SFXN1: variants seen among roughly 807,000 people sequenced by gnomAD.
The protein encoded by SFXN1 is sideroflexin-1.
A neutral mutation model predicts 39.5 loss-of-function variants in SFXN1; 32 were observed. The observed-to-expected ratio is 0.81, with a 90% CI of 0.61 to 1.09. The LOEUF (loss-of-function observed/expected upper bound fraction) is 1.09, where lower values mean the gene tolerates loss of function less well. Among genes scored for constraint, SFXN1 ranks in the 50% least tolerant of loss-of-function variants. The pLI is 0.00. For synonymous variants in SFXN1, 136 were observed against 146.5 expected, an observed-to-expected ratio of 0.93 and a Z score of 0.52; for missense variants, 402 against 407.1, an observed-to-expected ratio of 0.99 and a Z score of 0.11.
At chr5:175,479,316 T>A (rs1759144348) in intron 1 of SFXN1, among the ~76,000 whole-genome samples, 1 of 152,132 alleles carries the variant, frequency 6.6e-6, no homozygotes, top group African/African-American at 2.4e-5. Context: ...TTTACACTCT[T>A]CCGGCCCTGC....
intron 1 of SFXN1, among the ~76,000 whole-genome samples, chr5:175,480,925 A>G (rs1759226086): frequency 1.3e-5 from 2 of 152,228 alleles, no homozygotes; most frequent in South Asian, 4.1e-4. Flanking sequence ...AAAGGGGGGA[A>G]CAAAGGGCTG....
At chr5:175,522,713 A>G (rs1194721909) in intron 10 of SFXN1, 2 of 332,678 alleles carry the variant, frequency 6.0e-6, no homozygotes, top group Admixed American at 4.6e-5. Context: ...AATTTAAAAT[A>G]TGGTCCAATC....
In SFXN1 at chr5:175,521,778, G is replaced by A; in HGVS notation, c.775-141G>A. ...AGGAAGTTAGGCTAACACCCTTGTT[G>A]CAGCATTTCCCCCAAATTTCACTAA... On this transcript the variant is annotated intron_variant, in intron 8 of 10. Coordinates refer to ENST00000321442, the MANE Select transcript of SFXN1 (RefSeq NM_022754.7). 3 of 620,970 alleles carry A rather than the reference G, an allele frequency of 4.8e-6. No homozygotes were observed. The South Asian group carries it at 8.7e-5, about 18-fold the overall frequency. 38.5% of individuals were successfully genotyped at this position (620,970 alleles called of 1,614,324 possible).
chr5:175,522,723 C>A, intron 10 of SFXN1: 1 of 299,922 alleles, frequency 3.3e-6, no homozygotes, highest in Non-Finnish European at 6.2e-6. Flanking sequence ...ATGGTCCAAT[C>A]CACTGGCAAA....
At chr5:175,485,923 A>G (rs897083806) in intron 1 of SFXN1, among the ~76,000 whole-genome samples, 27 of 152,152 alleles carry the variant, frequency 1.8e-4, no homozygotes, top group African/African-American at 6.3e-4. Context: ...GAATCACACT[A>G]TTGTCGTGAG....
rs768675604 is a variant in SFXN1, at chr5:175,511,679, A to G, written c.510+153A>G. 7.9e-5 allele frequency: 53 copies of G among 669,034 alleles called. No individual in the cohort carries two copies. In the Middle Eastern group the frequency reaches 1.1e-3, roughly 13 times the overall value. The allele number at this position is 669,034 out of a possible 1,614,324, so 41.4% of individuals were successfully genotyped here. Reference sequence around the variant, plus strand: ...GCTGCATATTTTAGTTATATCTTCCAATAAGTTTGGGAAGAGTTGTCACCA... The same window carrying G: ...GCTGCATATTTTAGTTATATCTTCCGATAAGTTTGGGAAGAGTTGTCACCA... On this transcript the variant is annotated intron_variant, in intron 5 of 10. Coordinates refer to ENST00000321442, the MANE Select transcript of SFXN1 (RefSeq NM_022754.7).
chr5:175,522,493 A>AATGAAATGGAATAATGGCACC, intron 10 of SFXN1, 71 bp downstream of exon 10: 3 of 1,453,694 alleles, frequency 2.1e-6, no homozygotes, highest in Non-Finnish European at 2.8e-6. Context: ...TGCAGGTGCC[A>AATGAAATGGAATAATGGCACC]TTATTCCATT....
At chr5:175,501,423 C>T (rs546656665) in intron 2 of SFXN1, among the ~76,000 whole-genome samples, 8 of 151,988 alleles carry the variant, frequency 5.3e-5, no homozygotes, top group Non-Finnish European at 7.4e-5. Flanking sequence ...TCAATTGAAA[C>T]GGAAAGAAGA....
At chr5:175,511,714 A>C in intron 5 of SFXN1, 188 bp downstream of exon 5, 5 of 603,930 alleles carry the variant, frequency 8.3e-6, no homozygotes, top group South Asian at 8.0e-5. Flanking sequence ...AGTAACACCT[A>C]CCAGGACTGT....
chr5:175,525,303 G>A (rs1050736784), intron 10 of SFXN1, among the ~76,000 whole-genome samples: 1 of 152,158 alleles, frequency 6.6e-6, no homozygotes, highest in African/African-American at 2.4e-5. Flanking sequence ...TTGCACCTCA[G>A]GTTTCCTTAC....
In SFXN1 at chr5:175,492,436, C is replaced by T. The variant is rs1759694488; in HGVS notation, c.164+169C>T. 5.1e-6 allele frequency: 3 copies of T among 588,710 alleles called. No homozygotes were observed. In the South Asian group the frequency reaches 6.6e-5, roughly 13 times the overall value. 36.5% of individuals were successfully genotyped at this position (588,710 alleles called of 1,614,324 possible). A position where few individuals can be genotyped will look rare whatever the true frequency, so the allele number is the denominator to read the frequency against. Reference sequence around the variant, plus strand: ...GAGTAAAAAGACCTGTTATATCCCCCATTGCTCGCCCTTAACACAGATATC... The same window carrying T: ...GAGTAAAAAGACCTGTTATATCCCCTATTGCTCGCCCTTAACACAGATATC... On this transcript the variant is annotated intron_variant, in intron 2 of 10. Coordinates refer to ENST00000321442, the MANE Select transcript of SFXN1 (RefSeq NM_022754.7).
At chr5:175,485,064 G>A (rs945264021) in intron 1 of SFXN1, among the ~76,000 whole-genome samples, 1 of 152,164 alleles carries the variant, frequency 6.6e-6, no homozygotes, top group African/African-American at 2.4e-5. Flanking sequence ...TATCTGATTT[G>A]AGATCAGCTG....
chr5:175,521,230 C>G (rs951535393), intron 8 of SFXN1, among the ~76,000 whole-genome samples: 3 of 141,198 alleles, frequency 2.1e-5, no homozygotes, highest in Non-Finnish European at 4.5e-5. Flanking sequence ...CTCCAGAAGA[C>G]CAACCAACTT....
chr5:175,507,995 C>A (rs573974342), intron 2 of SFXN1, among the ~76,000 whole-genome samples: 31 of 137,698 alleles, frequency 2.3e-4, no homozygotes, highest in Non-Finnish European at 4.6e-5. Flanking sequence ...AAAAAAAATT[C>A]TTCCTGAACT....
intron 10 of SFXN1, among the ~76,000 whole-genome samples, chr5:175,526,376 G>C (rs1761060371): frequency 1.3e-5 from 2 of 152,098 alleles, no homozygotes; most frequent in African/African-American, 4.8e-5. Flanking sequence ...ATACACTCTT[G>C]CCGGCAATAA....
At chr5:175,505,472 G>A (rs1182108487) in intron 2 of SFXN1, among the ~76,000 whole-genome samples, 1 of 151,266 alleles carries the variant, frequency 6.6e-6, no homozygotes, top group Non-Finnish European at 1.5e-5. Context: ...AGGAGGCGGA[G>A]GTTGCAGTGA....
At chr5:175,480,019 A>G (rs1004258494) in intron 1 of SFXN1, among the ~76,000 whole-genome samples, 4 of 152,140 alleles carry the variant, frequency 2.6e-5, no homozygotes, top group South Asian at 4.1e-4. Flanking sequence ...ACTGTTTGGG[A>G]GGATGAATGG....
rs530637384 is a variant in SFXN1, at chr5:175,518,110, G to T, written c.774+1447G>T. Among the ~76,000 whole-genome samples the T allele has an allele frequency of 4.6e-5, 7 of 152,218 alleles. No individual in the cohort carries two copies. In the South Asian group the frequency reaches 1.5e-3, roughly 32 times the overall value. ...GGGCAGGTGACTCACGGAAATTTTT[G>T]CAGTAAACCAAGAAGTTCACCGCCT... On this transcript the variant is annotated intron_variant, in intron 8 of 10. Transcript: ENST00000321442.
At chr5:175,504,003 CAAAA>C (rs56776430) in intron 2 of SFXN1, among the ~76,000 whole-genome samples, 1 of 51,988 alleles carries the variant, frequency 1.9e-5, no homozygotes, top group Non-Finnish European at 4.1e-5. Context: ...CACTCCATCT[CAAAA>C]AAAAAAAAAA....
Sources: allele counts gnomAD v4.1 joint callset (sites outside exome capture counted in the v4.1 genomes callset), GRCh38; gene constraint gnomAD v4.1.1; transcripts MANE v1.5; gene names NCBI Gene and HGNC (gene_info 2026-07-23, HGNC 2026-07-21).